The following STK35 variants were observed in gnomAD, a reference collection of about 807,000 sequenced individuals.
STK35 encodes serine/threonine-protein kinase 35.
In STK35, 17 loss-of-function variants were observed where a neutral mutation model predicts 37.3. That is an observed-to-expected ratio of 0.46 (90% CI 0.31 to 0.68). The LOEUF (loss-of-function observed/expected upper bound fraction) is 0.68, where lower values mean the gene tolerates loss of function less well. Ranked by LOEUF, STK35 falls within the 30% of genes least tolerant of loss-of-function variation. The probability of loss-of-function intolerance (pLI) is 0.05; values close to 1 mark genes in which losing one functional copy is unlikely to be tolerated. For missense variants in STK35, 595 were observed against 746.7 expected, an observed-to-expected ratio of 0.80 and a Z score of 2.37; for synonymous variants, 385 against 319.1, an observed-to-expected ratio of 1.21 and a Z score of -2.20.
At chr20:2,112,965 T>G (rs1461980971) in intron 2 of STK35, among the ~76,000 whole-genome samples, 1 of 152,210 alleles carries the variant, frequency 6.6e-6, no homozygotes, top group Non-Finnish European at 1.5e-5. Context: ...TTATATATCC[T>G]GAAACTGGGG....
chr20:2,135,032 A>C (rs1360583133), intron 3 of STK35, among the ~76,000 whole-genome samples: 1 of 152,194 alleles, frequency 6.6e-6, no homozygotes, highest in Non-Finnish European at 1.5e-5. Context: ...TTCATTTGGC[A>C]GGGGAAGAAA....
chr20:2,125,579 CA>C (rs1600611890), intron 3 of STK35, among the ~76,000 whole-genome samples: 2 of 152,212 alleles, frequency 1.3e-5, no homozygotes, highest in African/African-American at 2.4e-5. Context: ...CCAGTAGTAC[CA>C]TACAGTAAAG....
intron 3 of STK35, among the ~76,000 whole-genome samples, chr20:2,124,068 C>T (rs2122563826): frequency 6.6e-6 from 1 of 152,316 alleles, no homozygotes; most frequent in Middle Eastern, 3.4e-3. Context: ...GGAGTCAGTC[C>T]ATGGCTTTAA....
At chr20:2,102,310 T>C in intron 1 of STK35, 135 bp downstream of exon 1, 1 of 1,204,768 alleles carries the variant, frequency 8.3e-7, no homozygotes, top group South Asian at 1.8e-5. Context: ...CAATCCCTTC[T>C]ACCCGTCGCC....
chr20:2,106,294 G>T (rs1985514142), intron 2 of STK35, among the ~76,000 whole-genome samples: 1 of 152,126 alleles, frequency 6.6e-6, no homozygotes, highest in African/African-American at 2.4e-5. Context: ...TCATTAAATA[G>T]AAAAGTCCTT....
intron 2 of STK35, among the ~76,000 whole-genome samples, chr20:2,115,898 C>G (rs1023271793): frequency 6.6e-6 from 1 of 152,200 alleles, no homozygotes; most frequent in East Asian, 1.9e-4. Context: ...CACTCCTGCC[C>G]CCCCCTTCAC....
At chr20:2,103,451 C>A in intron 2 of STK35, 86 bp downstream of exon 2, 5 of 1,326,266 alleles carry the variant, frequency 3.8e-6, no homozygotes, top group Non-Finnish European at 5.2e-6. Context: ...TCCTGGCCTT[C>A]CTAGGCCTCA....
At chr20:2,127,427 C>T (rs1423245101) in intron 3 of STK35, among the ~76,000 whole-genome samples, 2 of 152,062 alleles carry the variant, frequency 1.3e-5, no homozygotes, top group Admixed American at 6.5e-5. Context: ...AGAAAGAGAA[C>T]TAGAAGTCAC....
chr20:2,117,641 C>T lies in STK35; in HGVS notation c.*37+226C>T, dbSNP rs1014154464. On this transcript the variant is annotated intron_variant, in intron 3 of 3. Transcript: ENST00000381482. This position sits in a 1 kb window ranked among gnomAD's most constrained non-coding sequence, Gnocchi z 4.4. ...TGTATTTTTAGTAGAGACGGAGTTT[C>T]ACCATGTTGGCTAGGCTGGTCTCAA... 6.6e-6 allele frequency among the ~76,000 whole-genome samples: 1 copy of T among 152,140 alleles called. No homozygotes were observed. Among genetic ancestry groups the T allele is most frequent in the Non-Finnish European group, 1.5e-5 (1 of 68,040 alleles).
intron 3 of STK35, among the ~76,000 whole-genome samples, chr20:2,133,484 A>C (rs1568580997): frequency 6.6e-6 from 1 of 152,224 alleles, no homozygotes; most frequent in South Asian, 2.1e-4. Flanking sequence ...CTAGAGACAA[A>C]TAGTTCCCCT....
At chr20:2,113,275 C>T (rs1985653813) in intron 2 of STK35, among the ~76,000 whole-genome samples, 1 of 152,192 alleles carries the variant, frequency 6.6e-6, no homozygotes, top group African/African-American at 2.4e-5. Flanking sequence ...AATGTGCCAG[C>T]ATTTCTCAGG....
In STK35 at chr20:2,117,167, C is replaced by G. The variant is rs751633704; in HGVS notation, c.1394C>G (p.Thr465Ser). 3.1e-6 allele frequency: 5 copies of G among 1,613,902 alleles called. No homozygotes were observed. The highest frequency in any genetic ancestry group is 8.5e-7 in the Non-Finnish European group (1 of 1,179,958). ...GAGACCAAGAAGGAGCTCCTGGGGA[C>G]CTACATTAAACAGGGGACTGAGATC... The part of the protein sequence containing the change: ...DSETKKELLG[T>S]YIKQGTEIVP... Residue 465 changes from threonine (T) to serine (S), a missense_variant, in exon 3 of 4, where the codon ACC (threonine) becomes AGC (serine). By Grantham distance (58) the Thr-to-Ser change is moderately conservative. This residue lies in a region of STK35 where 109 missense variants were observed against 280.3 expected (regional missense o/e 0.39). Coordinates refer to ENST00000381482, the MANE Select transcript of STK35 (RefSeq NM_080836.4). This position sits in a 1 kb window ranked among gnomAD's most constrained non-coding sequence, Gnocchi z 4.4.
intron 3 of STK35, among the ~76,000 whole-genome samples, chr20:2,128,893 T>G (rs985385694): frequency 2.6e-5 from 4 of 151,708 alleles, no homozygotes; most frequent in African/African-American, 9.7e-5. Context: ...CAGGCTGGAG[T>G]GCAGTGACAC....
chr20:2,133,232 A>C (rs778763239), intron 3 of STK35, among the ~76,000 whole-genome samples: 1 of 152,144 alleles, frequency 6.6e-6, no homozygotes, highest in Non-Finnish European at 1.5e-5. Flanking sequence ...CCCATATGGA[A>C]GAGTGACCGT....
At chr20:2,135,311 AG>A (rs1333343436) in intron 3 of STK35, among the ~76,000 whole-genome samples, 4 of 152,160 alleles carry the variant, frequency 2.6e-5, no homozygotes, top group African/African-American at 9.6e-5. Context: ...AGATGGTGGC[AG>A]GGGGTGGCTA....
At chr20:2,127,256 G>GCCC (rs1568578916) in intron 3 of STK35, among the ~76,000 whole-genome samples, 1 of 146,118 alleles carries the variant, frequency 6.8e-6, no homozygotes, top group Non-Finnish European at 1.5e-5. Context: ...GCACCCCTTT[G>GCCC]TTTTTTTTTT....
chr20:2,105,706 C>A (rs1985501535), intron 2 of STK35, among the ~76,000 whole-genome samples: 1 of 115,638 alleles, frequency 8.6e-6, no homozygotes, highest in Non-Finnish European at 1.8e-5. Flanking sequence ...AATTCACTGC[C>A]TTATATAAGT....
At chr20:2,107,720 AGT>A (rs1985542785) in intron 2 of STK35, among the ~76,000 whole-genome samples, 1 of 152,112 alleles carries the variant, frequency 6.6e-6, no homozygotes. Flanking sequence ...CAACTTGTCG[AGT>A]GCCTAGGGAA....
intron 3 of STK35, among the ~76,000 whole-genome samples, chr20:2,127,088 A>G (rs1985919184): frequency 6.6e-6 from 1 of 152,034 alleles, no homozygotes; most frequent in African/African-American, 2.4e-5. Flanking sequence ...CTGGTAGTGT[A>G]GCTGTAACAG....
Sources: allele counts gnomAD v4.1 joint callset (sites outside exome capture counted in the v4.1 genomes callset), GRCh38; gene constraint gnomAD v4.1.1; regional missense constraint gnomAD v4.1.1; non-coding constraint Gnocchi (gnomAD v3.1); transcripts MANE v1.5; gene names NCBI Gene and HGNC (gene_info 2026-07-23, HGNC 2026-07-21).